The following USP10 variants were observed in gnomAD, a reference collection of about 807,000 sequenced individuals.
The protein encoded by USP10 is ubiquitin specific peptidase 10.
In USP10, 22 loss-of-function variants were observed where a neutral mutation model predicts 84.5. That is an observed-to-expected ratio of 0.26 (90% CI 0.19 to 0.37). The LOEUF is 0.37. USP10 is among the 10% of genes least tolerant of loss of function. The pLI, the probability that USP10 is intolerant of heterozygous loss-of-function variation, is 1.00. For missense variants in USP10, 1,019 were observed against 998.9 expected (o/e 1.02, Z -0.27); for synonymous variants, 454 against 387.6 (o/e 1.17, Z -2.01).
At chr16:84,750,265 G>A (rs1911761670) in intron 4 of USP10, among the ~76,000 whole-genome samples, 2 of 152,010 alleles carry the variant, frequency 1.3e-5, no homozygotes, top group South Asian at 2.1e-4. Flanking sequence ...AAAATTAGAT[G>A]GACGTGGTGG....
At chr16:84,751,772 G>A (rs17831494) in intron 4 of USP10, among the ~76,000 whole-genome samples, 42,933 of 152,068 alleles carry the variant, frequency 0.28, 7,540 homozygotes, top group Non-Finnish European at 0.41. Context: ...CCAGAATGTC[G>A]ATTACGGGCC....
At chr16:84,708,403 A>G (rs1905832202) in intron 1 of USP10, among the ~76,000 whole-genome samples, 1 of 152,182 alleles carries the variant, frequency 6.6e-6, no homozygotes, top group Non-Finnish European at 1.5e-5. Flanking sequence ...GTGAGACAAG[A>G]TCACGCCACT....
At chr16:84,739,011 C>G (rs1910286573) in intron 2 of USP10, among the ~76,000 whole-genome samples, 1 of 152,060 alleles carries the variant, frequency 6.6e-6, no homozygotes, top group Non-Finnish European at 1.5e-5. Flanking sequence ...TTGTTCTGCC[C>G]TCAGGTAGCA....
chr16:84,775,754 T>C (rs1009025420), intron 13 of USP10, among the ~76,000 whole-genome samples: 2 of 152,248 alleles, frequency 1.3e-5, no homozygotes, highest in African/African-American at 4.8e-5. Flanking sequence ...GCACCCCCTG[T>C]TCCCTCATGG....
At chr16:84,746,465 G>T (rs1238607258) in intron 4 of USP10, among the ~76,000 whole-genome samples, 3 of 152,176 alleles carry the variant, frequency 2.0e-5, no homozygotes, top group Admixed American at 6.5e-5. Flanking sequence ...ATTACTCCCG[G>T]GCTGCAAACC....
rs370383030 is a variant in USP10, at chr16:84,764,939, A to AAAAAAAATAT, written c.1832+677_1832+678insAAAAAATATA. Reference sequence around the variant, plus strand: ...TAACCACGAGAGAGAGAGAAAAAAAAATATATATATATATATTAGACTTCA... The same window carrying AAAAAAAATAT: ...TAACCACGAGAGAGAGAGAAAAAAAAAAAAAAATATATATATATATATATATTAGACTTCA... On this transcript the variant is annotated intron_variant, in intron 10 of 13. Coordinates refer to ENST00000219473, the MANE Select transcript of USP10 (RefSeq NM_005153.3). Among the ~76,000 whole-genome samples, 1,047 of 132,226 alleles carry AAAAAAAATAT rather than the reference A, an allele frequency of 7.9e-3. 13 individuals are homozygous for AAAAAAAATAT. The highest frequency in any genetic ancestry group is 0.032 in the Middle Eastern group (7 of 222). 86.7% of individuals were successfully genotyped at this position (132,226 alleles called of 152,430 possible). A position where few individuals can be genotyped will look rare whatever the true frequency, so the allele number is the denominator to read the frequency against.
intron 1 of USP10, among the ~76,000 whole-genome samples, chr16:84,731,800 C>G (rs1002161839): frequency 6.6e-6 from 1 of 151,474 alleles, no homozygotes; most frequent in African/African-American, 2.4e-5. Flanking sequence ...ATAGTCTGTG[C>G]TAATTTTTTC....
Position 84,745,645 on chromosome 16 carries a change from A to G in USP10, c.1164A>G (p.Ser388=), listed in dbSNP as rs1216788620. The G allele has an allele frequency of 3.7e-6, 6 of 1,612,188 alleles. No individual in the cohort carries two copies. The highest frequency in any genetic ancestry group is 2.2e-5 in the East Asian group (1 of 44,882). Residue 388 remains serine (S), a synonymous_variant, in exon 4 of 14, where the codon TCA becomes TCG. Transcript: ENST00000219473. ...TCAAAGAAGGGCTTGTTCCGGTTTC[A>G]GAGGATCCTGTAGCCATAAAGATTG... ...VEVKEGLVPV[S]EDPVAIKIAE...
At chr16:84,759,508 G>T (rs1223846109) in intron 6 of USP10, 36 bp downstream of exon 6, 3 of 1,562,700 alleles carry the variant, frequency 1.9e-6, no homozygotes, top group Non-Finnish European at 2.6e-6. Context: ...TAAGTGGTGG[G>T]GTTTTTCCCG....
chr16:84,757,402 G>GGTGT (rs58812391), intron 4 of USP10, among the ~76,000 whole-genome samples: 10 of 82,810 alleles, frequency 1.2e-4, no homozygotes, highest in South Asian at 8.5e-4. Context: ...GAGGGGTGGG[G>GGTGT]GTGTGTGTGT....
rs577243415 is a variant in USP10, at chr16:84,711,317, C to A, written c.21+11206C>A. Among the ~76,000 whole-genome samples the A allele has an allele frequency of 1.3e-4, 20 of 152,298 alleles. 1 individual carries two copies. In the South Asian group the frequency reaches 4.2e-3, roughly 32 times the overall value. ...GAGCTGCTCTGGCTGTTGCTCTGCA[C>A]CCCACATCTTGAAATAGGACCTTTG... On this transcript the variant is annotated intron_variant, in intron 1 of 13. Coordinates refer to ENST00000219473, the MANE Select transcript of USP10 (RefSeq NM_005153.3).
chr16:84,717,096 G>A (rs781038767), intron 1 of USP10, among the ~76,000 whole-genome samples: 44 of 152,210 alleles, frequency 2.9e-4, no homozygotes, highest in Non-Finnish European at 6.0e-4. Flanking sequence ...TACACCTGGG[G>A]TGGGCCCTGT....
At chr16:84,770,017 G>A (rs1215479146) in intron 11 of USP10, among the ~76,000 whole-genome samples, 1 of 152,192 alleles carries the variant, frequency 6.6e-6, no homozygotes, top group Admixed American at 6.5e-5. Context: ...GCTGAGGCAG[G>A]AGGATTGCCT....
rs559605893 is a variant in USP10, at chr16:84,702,630, T to C, written c.21+2519T>C. On this transcript the variant is annotated intron_variant, in intron 1 of 13. Coordinates refer to ENST00000219473, the MANE Select transcript of USP10 (RefSeq NM_005153.3). ...TAACAACTGCAAATTGAAGGTCTTA[T>C]TTTAAAATTGACTTGTTAAAGTTAA... is the stretch of plus-strand genomic sequence containing the variant. Among the ~76,000 whole-genome samples the C allele has an allele frequency of 3.3e-5, 5 of 152,314 alleles. No homozygotes were observed. In the East Asian group the frequency reaches 9.6e-4, roughly 29 times the overall value.
chr16:84,760,732 TA>T (rs1488753059), intron 8 of USP10, among the ~76,000 whole-genome samples: 1 of 152,178 alleles, frequency 6.6e-6, no homozygotes, highest in Non-Finnish European at 1.5e-5. Context: ...AATTTTTTTT[TA>T]ATCACATACT....
rs1462176749 is a variant in USP10 at position 84,760,152 on chromosome 16, G to A, written c.1451-20G>A. ...GAGTTCATTGTAGTTAGGAAAACCTGTGTCCTCTTTCCATTGCAGCTCTTG... is the reference window on the plus strand; with the variant it reads ...GAGTTCATTGTAGTTAGGAAAACCTATGTCCTCTTTCCATTGCAGCTCTTG... On this transcript the variant is annotated intron_variant, in intron 7 of 13. Coordinates refer to ENST00000219473, the MANE Select transcript of USP10 (RefSeq NM_005153.3). 1.3e-6 allele frequency: 2 copies of A among 1,589,242 alleles called. No individual in the cohort carries two copies. The highest frequency in any genetic ancestry group is 1.8e-5 in the Admixed American group (1 of 55,664).
intron 1 of USP10, among the ~76,000 whole-genome samples, chr16:84,723,294 C>T (rs530429140): frequency 2.6e-5 from 4 of 152,104 alleles, no homozygotes; most frequent in Admixed American, 1.3e-4. Context: ...TTCTGTGAAG[C>T]TTAATTCACT....
At chr16:84,739,377 T>C (rs751247683) in intron 2 of USP10, among the ~76,000 whole-genome samples, 34 of 152,252 alleles carry the variant, frequency 2.2e-4, no homozygotes, top group Non-Finnish European at 2.4e-4. Context: ...GTTCAAACGA[T>C]TCTCCTGCCT....
At chr16:84,713,922 T>C (rs1906646810) in intron 1 of USP10, among the ~76,000 whole-genome samples, 1 of 152,148 alleles carries the variant, frequency 6.6e-6, no homozygotes, top group African/African-American at 2.4e-5. Context: ...ATTTGGGACG[T>C]GGAGAGTTGT....
Sources: allele counts gnomAD v4.1 joint callset (sites outside exome capture counted in the v4.1 genomes callset), GRCh38; gene constraint gnomAD v4.1.1; transcripts MANE v1.5; gene names NCBI Gene and HGNC (gene_info 2026-07-23, HGNC 2026-07-21).